The following AMPD3 variants were observed in gnomAD, a reference collection of about 807,000 sequenced individuals.
AMPD3 encodes the protein AMP deaminase 3.
Under a neutral mutation model 82.3 loss-of-function variants are expected in AMPD3, and 57 were observed. The observed-to-expected ratio is 0.69, with a 90% CI of 0.56 to 0.86. AMPD3 has a LOEUF of 0.86. Among genes scored for constraint, AMPD3 ranks in the 40% least tolerant of loss-of-function variants. The pLI is 0.00. For synonymous variants in AMPD3, 381 were observed against 394.7 expected, an observed-to-expected ratio of 0.97 and a Z score of 0.41; for missense variants, 870 against 1,003.8, an observed-to-expected ratio of 0.87 and a Z score of 1.80.
upstream of AMPD3, chr11:10,450,938 C>T: frequency 1.5e-6 from 2 of 1,331,188 alleles, no homozygotes; most frequent in African/African-American, 1.7e-5. Context: ...CCCCGGCTGG[C>T]CTCAGTGCCC....
chr11:10,478,444 C>A, intron 2 of AMPD3, 82 bp from the exon 3 acceptor site: 1 of 1,586,500 alleles, frequency 6.3e-7, no homozygotes, highest in Non-Finnish European at 8.6e-7. Flanking sequence ...AATTCTCCTG[C>A]CACGCACACA....
intron 2 of AMPD3, among the ~76,000 whole-genome samples, chr11:10,462,817 C>G (rs144112154): frequency 6.6e-6 from 1 of 152,178 alleles, no homozygotes; most frequent in Non-Finnish European, 1.5e-5. Flanking sequence ...TTAGCGGATG[C>G]TTCAGGGTAT....
Position 10,460,049 on chromosome 11 carries a change from TTA to T in AMPD3, c.-5-1459_-5-1458del, listed in dbSNP as rs1017008489. 4.5e-3 allele frequency among the ~76,000 whole-genome samples: 481 copies of T among 106,722 alleles called. 2 individuals carry two copies. Among genetic ancestry groups the T allele is most frequent in the African/African-American group, 0.017 (445 of 25,982 alleles). The allele number at this position is 106,722 out of a possible 152,430, so 70.0% of individuals were successfully genotyped here. On this transcript the variant is annotated intron_variant, in intron 1 of 14. Coordinates refer to ENST00000396553, the MANE Select transcript of AMPD3 (RefSeq NM_001025389.2). ...TATGTATACATATATAAAATATATA[TTA>T]TATATAATATATATTATATATAATA...
chr11:10,455,049 GAC>G (rs1207183315), upstream of AMPD3: 3 of 668,120 alleles, frequency 4.5e-6, no homozygotes, highest in African/African-American at 5.9e-5. Context: ...AGCTCAGTAA[GAC>G]ACAACCTCAC....
chr11:10,482,665 CCA>C (rs979890112), intron 4 of AMPD3, among the ~76,000 whole-genome samples: 24 of 142,636 alleles, frequency 1.7e-4, no homozygotes, highest in African/African-American at 5.9e-4. Context: ...GCACACACCG[CCA>C]CACCCAGCTA....
chr11:10,471,689 T>C (rs1289442728), intron 2 of AMPD3, among the ~76,000 whole-genome samples: 2 of 152,048 alleles, frequency 1.3e-5, no homozygotes, highest in African/African-American at 4.8e-5. Context: ...AACAAACATA[T>C]GAAAAAATGC....
intron 2 of AMPD3, among the ~76,000 whole-genome samples, chr11:10,471,932 C>T (rs1396686468): frequency 7.2e-5 from 11 of 152,186 alleles, no homozygotes; most frequent in Middle Eastern, 3.2e-3. Context: ...TTTGACCCAG[C>T]AATCCCATTA....
rs888011797 is a variant in AMPD3 at position 10,481,903 on chromosome 11, T to C, written c.427-160T>C. The stretch of plus-strand genomic sequence containing the variant: ...ATATTGTTTGTACAAGTAGTTTAGG[T>C]GCAATGAACCACTCTTATTGGTCAA... On this transcript the variant is annotated intron_variant, in intron 3 of 14. Transcript: ENST00000396553. The C allele has an allele frequency of 3.6e-6, 3 of 825,988 alleles. No homozygotes were observed. In the African/African-American group the frequency reaches 5.0e-5, roughly 14 times the overall value. The allele number at this position is 825,988 out of a possible 1,614,324, so 51.2% of individuals were successfully genotyped here. A position where few individuals can be genotyped will look rare whatever the true frequency, so the allele number is the denominator to read the frequency against.
chr11:10,455,832 C>T (rs1161809384), intron 1 of AMPD3: 4 of 903,246 alleles, frequency 4.4e-6, no homozygotes, highest in Admixed American at 6.2e-5. Flanking sequence ...TTTAGGGGGG[C>T]TTTCTGAGAA....
At chr11:10,454,220 T>C (rs960375804), upstream of AMPD3, among the ~76,000 whole-genome samples, 1 of 152,166 alleles carries the variant, frequency 6.6e-6, no homozygotes. Flanking sequence ...CTGGGGAGTC[T>C]TCCCGCCTTT....
At chr11:10,461,232 T>A in intron 1 of AMPD3, 5 of 1,309,274 alleles carry the variant, frequency 3.8e-6, no homozygotes, top group Non-Finnish European at 4.9e-6. Flanking sequence ...TGCTGCAGAT[T>A]CCCTGAGTTT....
At chr11:10,497,026 C>T in intron 10 of AMPD3, 88 bp downstream of exon 10, 1 of 1,522,356 alleles carries the variant, frequency 6.6e-7, no homozygotes, top group Non-Finnish European at 9.1e-7. Flanking sequence ...TGCTCCTGCC[C>T]TTCACGATGG....
chr11:10,456,699 T>G lies in AMPD3; in HGVS notation c.-6+1251T>G. 1 of 805,018 alleles carries G rather than the reference T, an allele frequency of 1.2e-6. No individual in the cohort carries two copies. The highest frequency in any genetic ancestry group is 1.9e-5 in the African/African-American group (1 of 53,764). The allele number at this position is 805,018 out of a possible 1,614,324, so 49.9% of individuals were successfully genotyped here. ...CTGCTGGCTTCAGCTGACAAAGGGT[T>G]GGAAGCCAGGCGTGAACATGCAGCT... On this transcript the variant is annotated intron_variant, in intron 1 of 14. Transcript: ENST00000396553. The surrounding 1 kb of genome is among the most constrained non-coding windows in gnomAD (Gnocchi z 4.3).
chr11:10,478,876 G>A, intron 3 of AMPD3, 146 bp downstream of exon 3: 1 of 942,466 alleles, frequency 1.1e-6, no homozygotes, highest in Non-Finnish European at 1.6e-6. Flanking sequence ...AGACAAGGAG[G>A]GCCCTAGCAG....
intron 10 of AMPD3, chr11:10,499,633 G>T (rs1028208618): frequency 1.0e-6 from 1 of 984,242 alleles, no homozygotes; most frequent in Non-Finnish European, 1.2e-6. Flanking sequence ...ATTAACTGAC[G>T]TGAGTAAAGT....
intron 2 of AMPD3, among the ~76,000 whole-genome samples, chr11:10,474,645 T>G (rs1381393102): frequency 6.6e-6 from 1 of 152,214 alleles, no homozygotes; most frequent in African/African-American, 2.4e-5. Flanking sequence ...CTTTGTCTTG[T>G]GGGCCTGGTT....
intron 3 of AMPD3, 167 bp from the exon 4 acceptor site, chr11:10,481,896 G>T: frequency 2.5e-6 from 2 of 792,848 alleles, no homozygotes; most frequent in South Asian, 1.4e-5. Context: ...TGTACAAGTA[G>T]TTTAGGTGCA....
intron 5 of AMPD3, 175 bp from the exon 6 acceptor site, chr11:10,487,060 C>T: frequency 1.0e-6 from 1 of 969,952 alleles, no homozygotes; most frequent in Non-Finnish European, 1.2e-6. Context: ...TTTATAGAGT[C>T]TGTGGATATG....
chr11:10,497,400 C>T (rs532386684), intron 10 of AMPD3, among the ~76,000 whole-genome samples: 10 of 152,278 alleles, frequency 6.6e-5, no homozygotes, highest in East Asian at 5.8e-4. Flanking sequence ...ATTTCCCTTC[C>T]GGATCCAGTT....
Sources: gnomAD v4.1 joint callset for allele counts (sites outside exome capture counted in the v4.1 genomes callset) on GRCh38, gnomAD v4.1.1 for gene constraint, Gnocchi (gnomAD v3.1) non-coding constraint, MANE v1.5 for transcripts, NCBI Gene and HGNC (gene_info 2026-07-23, HGNC 2026-07-21) for gene names.